The following RYR3 variants were observed in gnomAD, a reference collection of about 807,000 sequenced individuals.
The protein encoded by RYR3 is brain ryanodine receptor-calcium release channel.
In RYR3, 207 loss-of-function variants were observed where a neutral mutation model predicts 584.3. The ratio of observed to expected loss-of-function variants is 0.35; its 90% CI spans 0.32 to 0.40. RYR3 has a LOEUF of 0.40. Among genes scored for constraint, RYR3 ranks in the 10% least tolerant of loss-of-function variants. The pLI, the probability that RYR3 is intolerant of heterozygous loss-of-function variation, is 1.00. For synonymous variants in RYR3, 2,416 were observed against 2,248.5 expected (o/e 1.07, Z -2.11); for missense variants, 5,616 against 6,089.2 (o/e 0.92, Z 2.59).
chr15:33,810,398 G>A (rs1231512791), intron 70 of RYR3, 81 bp from the exon 71 acceptor site: 6 of 1,452,432 alleles, frequency 4.1e-6, no homozygotes, highest in Non-Finnish European at 5.7e-6. Context: ...GCCACAAGGA[G>A]GCAGGCTGCC....
In RYR3 at chr15:33,670,571, C is replaced by A; in HGVS notation, c.5860+15C>A. The A allele has an allele frequency of 1.3e-6, 2 of 1,549,160 alleles. No individual in the cohort carries two copies. The highest frequency in any genetic ancestry group is 1.7e-6 in the Non-Finnish European group (2 of 1,155,302). ...GAGATGCCCCAGTAAGTGACATTGC[C>A]TTTAAATGACAGTGTGCTCTTCTAA... On this transcript the variant is annotated intron_variant, in intron 38 of 103. Transcript: ENST00000634891.
chr15:33,695,288 A>G (rs1390753447), intron 38 of RYR3, among the ~76,000 whole-genome samples: 1 of 152,190 alleles, frequency 6.6e-6, no homozygotes, highest in East Asian at 1.9e-4. Context: ...CGGCCATTCC[A>G]ACAGGTCCCC....
chr15:33,591,780 T>TAAAATAGTAA (rs1440711776), intron 16 of RYR3, among the ~76,000 whole-genome samples: 1 of 152,356 alleles, frequency 6.6e-6, no homozygotes, highest in East Asian at 1.9e-4. Flanking sequence ...ATATCATTGA[T>TAAAATAGTAA]TCTCAGAAAG....
chr15:33,766,225 G>C (rs2073046581), intron 60 of RYR3, among the ~76,000 whole-genome samples: 1 of 151,316 alleles, frequency 6.6e-6, no homozygotes, highest in South Asian at 2.1e-4. Flanking sequence ...GGAGGTTGCA[G>C]TGAGCCGAGA....
chr15:33,826,549 C>G (rs2077388709), intron 83 of RYR3, 123 bp from the exon 84 acceptor site: 6 of 912,048 alleles, frequency 6.6e-6, no homozygotes, highest in Non-Finnish European at 9.1e-6. Flanking sequence ...CACCATTCAT[C>G]CAAAGTTCCT....
intron 20 of RYR3, among the ~76,000 whole-genome samples, chr15:33,626,512 C>T (rs1287375864): frequency 6.6e-6 from 1 of 152,172 alleles, no homozygotes; most frequent in East Asian, 1.9e-4. Context: ...AATTCAAGCC[C>T]ACTGCAGAAA....
At chr15:33,786,179 C>T (rs375317397) in intron 66 of RYR3, among the ~76,000 whole-genome samples, 197 bp downstream of exon 66, 5 of 152,296 alleles carry the variant, frequency 3.3e-5, no homozygotes, top group South Asian at 4.1e-4. Flanking sequence ...CCAATGCTCC[C>T]GGCCCACTCC....
intron 36 of RYR3, among the ~76,000 whole-genome samples, chr15:33,667,838 T>G (rs1407596651): frequency 6.6e-6 from 1 of 151,826 alleles, no homozygotes; most frequent in East Asian, 1.9e-4. Context: ...CCAAGGCAGG[T>G]GGATCACAAG....
chr15:33,494,136 G>A (rs1449906049), intron 2 of RYR3, among the ~76,000 whole-genome samples: 3 of 151,942 alleles, frequency 2.0e-5, no homozygotes, highest in Admixed American at 6.6e-5. Flanking sequence ...CATTAGATTA[G>A]CATTTCTCAG....
At chr15:33,857,009 C>G (rs1198558076) in intron 98 of RYR3, among the ~76,000 whole-genome samples, 1 of 152,152 alleles carries the variant, frequency 6.6e-6, no homozygotes. Flanking sequence ...TGTGAAGCCT[C>G]AGGTAACAGC....
intron 10 of RYR3, among the ~76,000 whole-genome samples, chr15:33,561,470 C>G (rs1009604463): frequency 3.3e-5 from 5 of 152,174 alleles, no homozygotes; most frequent in Non-Finnish European, 5.9e-5. Context: ...GCAAATTTAC[C>G]TCCTTCATTT....
intron 57 of RYR3, 57 bp downstream of exon 57, chr15:33,750,343 A>C (rs899477818): frequency 3.8e-6 from 6 of 1,565,630 alleles, no homozygotes; most frequent in African/African-American, 1.4e-5. Context: ...CTAGATATTT[A>C]ATTACGTGCC....
rs763435236 is a variant in RYR3 at position 33,788,504 on chromosome 15, A to G, written c.9830+46A>G. ...AGCCTGTCTGCCCCTCTGTGGGGCTAGTTTAGGCAACAGAATAAAATGGAA... is the reference window on the plus strand; with the variant it reads ...AGCCTGTCTGCCCCTCTGTGGGGCTGGTTTAGGCAACAGAATAAAATGGAA... On this transcript the variant is annotated intron_variant, in intron 67 of 103. Coordinates refer to ENST00000634891, the MANE Select transcript of RYR3 (RefSeq NM_001036.6). 12 of 1,595,636 alleles carry G rather than the reference A, an allele frequency of 7.5e-6. No individual in the cohort carries two copies. The African/African-American group carries it at 1.3e-4, about 18-fold the overall frequency.
chr15:33,427,179 A>G (rs1391669251), intron 1 of RYR3, among the ~76,000 whole-genome samples: 1 of 152,174 alleles, frequency 6.6e-6, no homozygotes, highest in Non-Finnish European at 1.5e-5. Flanking sequence ...AGGGTATAGA[A>G]GTGTGTGGGT....
chr15:33,385,607 A>C (rs2041534626), intron 1 of RYR3, among the ~76,000 whole-genome samples: 1 of 152,188 alleles, frequency 6.6e-6, no homozygotes, highest in African/African-American at 2.4e-5. Flanking sequence ...CTATGTTAAT[A>C]CTGACTTTGG....
At chr15:33,750,953 C>T (rs549502715) in intron 57 of RYR3, among the ~76,000 whole-genome samples, 6 of 152,068 alleles carry the variant, frequency 3.9e-5, no homozygotes, top group Admixed American at 1.3e-4. Context: ...CTCCCACTTA[C>T]GAGTGAGAAC....
At chr15:33,826,637 C>G in intron 83 of RYR3, 35 bp from the exon 84 acceptor site, 2 of 1,547,562 alleles carry the variant, frequency 1.3e-6, no homozygotes, top group Non-Finnish European at 1.8e-6. Context: ...GGTGAGAAGC[C>G]AAACCAATGC....
chr15:33,503,554 T>C (rs2052194501), intron 2 of RYR3, 77 bp from the exon 3 acceptor site: 1 of 833,240 alleles, frequency 1.2e-6, no homozygotes, highest in Admixed American at 2.2e-5. Flanking sequence ...ATAGGCTCTT[T>C]GCCCTTGAGA....
At chr15:33,722,457 C>T in intron 43 of RYR3, 1 of 489,594 alleles carries the variant, frequency 2.0e-6, no homozygotes, top group Non-Finnish European at 3.5e-6. Flanking sequence ...CCTTTTTCTC[C>T]ATCAGTGTCA....
Sources: allele counts gnomAD v4.1 joint callset (sites outside exome capture counted in the v4.1 genomes callset), GRCh38; gene constraint gnomAD v4.1.1; transcripts MANE v1.5; gene names NCBI Gene and HGNC (gene_info 2026-07-23, HGNC 2026-07-21).